Variants in CDH12 observed in about 807,000 individuals in gnomAD.
CDH12 encodes cadherin-12.
Under a neutral mutation model 74.1 loss-of-function variants are expected in CDH12, and 41 were observed. The observed-to-expected ratio is 0.55, with a 90% CI of 0.43 to 0.72. The LOEUF (loss-of-function observed/expected upper bound fraction) is 0.72, where lower values mean the gene tolerates loss of function less well. CDH12 is among the 30% of genes least tolerant of loss of function. The pLI, the probability that CDH12 is intolerant of heterozygous loss-of-function variation, is 0.00. For missense variants in CDH12, 945 were observed against 977.2 expected, an observed-to-expected ratio of 0.97 and a Z score of 0.44; for synonymous variants, 399 against 355.0, an observed-to-expected ratio of 1.12 and a Z score of -1.39.
chr5:21,967,917 G>A (rs1335199556), intron 6 of CDH12, among the ~76,000 whole-genome samples: 1 of 152,172 alleles, frequency 6.6e-6, no homozygotes, highest in Non-Finnish European at 1.5e-5. Context: ...AAGCGACTCA[G>A]CAGATTGTGA....
intron 5 of CDH12, among the ~76,000 whole-genome samples, chr5:22,035,302 T>C (rs895438886): frequency 1.3e-5 from 2 of 152,092 alleles, no homozygotes; most frequent in African/African-American, 4.8e-5. Flanking sequence ...TGTTATTAGT[T>C]ATTAGCAGAT....
At chr5:22,244,064 T>C (rs556645288) in intron 3 of CDH12, among the ~76,000 whole-genome samples, 2 of 151,974 alleles carry the variant, frequency 1.3e-5, no homozygotes, top group Admixed American at 6.6e-5. Context: ...TTTCCAAGGA[T>C]CTAGGAATAA....
chr5:22,782,430 C>T (rs527687632), intron 1 of CDH12, among the ~76,000 whole-genome samples: 8 of 152,170 alleles, frequency 5.3e-5, no homozygotes, highest in Non-Finnish European at 8.8e-5. Context: ...GTTTCCCCAG[C>T]GTTCTCTCTC....
rs530538919 is a variant in CDH12, at chr5:22,209,843, G to A, written c.-187+2655C>T. Among the ~76,000 whole-genome samples, 17 of 152,198 alleles carry A rather than the reference G, an allele frequency of 1.1e-4. No homozygotes were observed. The South Asian group carries it at 3.5e-3, about 32-fold the overall frequency. On this transcript the variant is annotated intron_variant, in intron 4 of 14. Coordinates refer to ENST00000382254, the MANE Select transcript of CDH12 (RefSeq NM_004061.5). ...AATATTCATGAGTATCATGTCAAGG[G>A]CTGGAAACAGTCACCATATATGAGG... is the stretch of plus-strand genomic sequence containing the variant.
At chr5:22,713,653 A>G (rs754057686) in intron 1 of CDH12, among the ~76,000 whole-genome samples, 36 of 152,086 alleles carry the variant, frequency 2.4e-4, no homozygotes, top group Non-Finnish European at 4.7e-4. Flanking sequence ...TAGATATGTA[A>G]CATAATAAAT....
chr5:22,712,405 T>C (rs185328812), intron 1 of CDH12, among the ~76,000 whole-genome samples: 1 of 152,170 alleles, frequency 6.6e-6, no homozygotes, highest in African/African-American at 2.4e-5. Context: ...AGATACATTT[T>C]ACAAGTTCCT....
intron 5 of CDH12, among the ~76,000 whole-genome samples, chr5:22,072,793 T>G (rs906747855): frequency 6.6e-6 from 1 of 151,900 alleles, no homozygotes; most frequent in Non-Finnish European, 1.5e-5. Flanking sequence ...TTCCCACCTA[T>G]TATTATAACA....
In CDH12 at chr5:22,439,685, A is replaced by C. The variant is rs559610614; in HGVS notation, c.-427-34334T>G. ...GAGGCTGCTACCAATTGTGTACATC[A>C]AGGAAGTATACAGGCAGGTGGACAT... On this transcript the variant is annotated intron_variant, in intron 2 of 14. Coordinates refer to ENST00000382254, the MANE Select transcript of CDH12 (RefSeq NM_004061.5). 2.0e-5 allele frequency among the ~76,000 whole-genome samples: 3 copies of C among 152,170 alleles called. No homozygotes were observed. In the South Asian group the frequency reaches 6.2e-4, roughly 32 times the overall value.
chr5:22,385,273 A>G (rs1741950894), intron 3 of CDH12, among the ~76,000 whole-genome samples: 1 of 152,194 alleles, frequency 6.6e-6, no homozygotes, highest in Non-Finnish European at 1.5e-5. Flanking sequence ...TTAAAGCTTA[A>G]TATACTGTGC....
intron 2 of CDH12, among the ~76,000 whole-genome samples, chr5:22,447,088 T>C (rs559514091): frequency 1.5e-4 from 23 of 152,234 alleles, no homozygotes; most frequent in African/African-American, 5.5e-4. Flanking sequence ...TAGGAATACT[T>C]GTTTCCTTAG....
Position 21,945,650 on chromosome 5 carries a change from AG to A in CDH12, c.526+29440del, listed in dbSNP as rs969278962. Among the ~76,000 whole-genome samples, 68 of 152,026 alleles carry A rather than the reference AG, an allele frequency of 4.5e-4. 1 individual carries two copies. The highest frequency in any genetic ancestry group is 1.5e-3 in the African/African-American group (64 of 41,552). On this transcript the variant is annotated intron_variant, in intron 6 of 14. Transcript: ENST00000382254. ...ACAATAATGGAAATAATAGATTCAG[AG>A]GATGGTCACAAAAGAAGAGAGCACA...
At chr5:21,843,830 A>G (rs113553241) in intron 7 of CDH12, among the ~76,000 whole-genome samples, 105 of 152,160 alleles carry the variant, frequency 6.9e-4, no homozygotes, top group African/African-American at 2.5e-3. Flanking sequence ...ACATACCTTA[A>G]GTTATGTGAC....
intron 1 of CDH12, among the ~76,000 whole-genome samples, chr5:22,520,590 T>G (rs974534273): frequency 6.6e-6 from 1 of 152,104 alleles, no homozygotes; most frequent in Admixed American, 6.6e-5. Flanking sequence ...AAATAGGTAA[T>G]AATATTTATT....
At chr5:22,759,726 G>A (rs763722612) in intron 1 of CDH12, among the ~76,000 whole-genome samples, 1 of 152,100 alleles carries the variant, frequency 6.6e-6, no homozygotes, top group Non-Finnish European at 1.5e-5. Flanking sequence ...CCCACTATTA[G>A]AGTTCTCCAG....
At chr5:22,321,082 T>G (rs185639919) in intron 3 of CDH12, among the ~76,000 whole-genome samples, 1 of 152,268 alleles carries the variant, frequency 6.6e-6, no homozygotes, top group African/African-American at 2.4e-5. Context: ...AACTTTCGTT[T>G]TAGTAAAAGG....
At chr5:22,028,983 A>G (rs544830778) in intron 5 of CDH12, among the ~76,000 whole-genome samples, 1 of 152,302 alleles carries the variant, frequency 6.6e-6, no homozygotes, top group Non-Finnish European at 1.5e-5. Context: ...CTGATCTTTG[A>G]CAAACCTGAG....
intron 7 of CDH12, among the ~76,000 whole-genome samples, chr5:21,843,143 A>G (rs1354488708): frequency 6.6e-6 from 1 of 152,202 alleles, no homozygotes; most frequent in East Asian, 1.9e-4. Context: ...GAAATCATGA[A>G]TACATTTCAT....
At position 22,314,693 on chromosome 5, in the gene CDH12, G is replaced by C. The variant is rs139111520; in HGVS notation, c.-333+90564C>G. On this transcript the variant is annotated intron_variant, in intron 3 of 14. Coordinates refer to ENST00000382254, the MANE Select transcript of CDH12 (RefSeq NM_004061.5). Reference sequence around the variant, plus strand: ...AAGGGCGCTACACAAGGTAAAGGCTGGGAAGAAGAACCAACGTTTGTCAGA... The same window carrying C: ...AAGGGCGCTACACAAGGTAAAGGCTCGGAAGAAGAACCAACGTTTGTCAGA... Among the ~76,000 whole-genome samples, 379 of 152,086 alleles carry C rather than the reference G, an allele frequency of 2.5e-3. 4 individuals are homozygous for C. The highest frequency in any genetic ancestry group is 8.8e-3 in the African/African-American group (366 of 41,470).
chr5:22,593,949 T>C (rs1268228679), intron 1 of CDH12, among the ~76,000 whole-genome samples: 1 of 152,222 alleles, frequency 6.6e-6, no homozygotes, highest in Non-Finnish European at 1.5e-5. Flanking sequence ...ATTATCTATA[T>C]ATACTTGATT....
Sources: allele counts gnomAD v4.1 joint callset (sites outside exome capture counted in the v4.1 genomes callset), GRCh38; gene constraint gnomAD v4.1.1; transcripts MANE v1.5; gene names NCBI Gene and HGNC (gene_info 2026-07-23, HGNC 2026-07-21).